Variants in CDH13 observed in about 807,000 individuals in gnomAD.
CDH13 encodes cadherin-13.
Under a neutral mutation model 63.8 loss-of-function variants are expected in CDH13, and 24 were observed. That is an observed-to-expected ratio of 0.38 (90% CI 0.27 to 0.53). The LOEUF is 0.53. Among genes scored for constraint, CDH13 ranks in the 20% least tolerant of loss-of-function variants. The pLI is 0.85. For synonymous variants in CDH13, 503 were observed against 355.3 expected (o/e 1.42, Z -4.67); for missense variants, 1,049 against 903.1 (o/e 1.16, Z -2.07).
At chr16:82,808,430 C>G (rs185387123) in intron 1 of CDH13, among the ~76,000 whole-genome samples, 20 of 152,150 alleles carry the variant, frequency 1.3e-4, no homozygotes, top group African/African-American at 4.8e-4. Context: ...TGCTTTTCCA[C>G]AATGCTTTCA....
chr16:83,551,441 G>T (rs2075494757), intron 7 of CDH13, among the ~76,000 whole-genome samples: 2 of 152,082 alleles, frequency 1.3e-5, no homozygotes, highest in Admixed American at 1.3e-4. Context: ...GTGTTATTTG[G>T]CCATAGATAT....
intron 6 of CDH13, 43 bp downstream of exon 6, chr16:83,345,049 A>T (rs777210286): frequency 1.3e-6 from 2 of 1,599,882 alleles, no homozygotes; most frequent in Non-Finnish European, 1.7e-6. Context: ...GCTTGGAAAG[A>T]GGCACACTTT....
chr16:82,820,964 G>A (rs1300695639), intron 1 of CDH13, among the ~76,000 whole-genome samples: 1 of 152,132 alleles, frequency 6.6e-6, no homozygotes, highest in African/African-American at 2.4e-5. Flanking sequence ...TACCAATGAG[G>A]GGTAGAGCTT....
At chr16:83,453,342 A>G (rs1191760118) in intron 6 of CDH13, among the ~76,000 whole-genome samples, 1 of 152,160 alleles carries the variant, frequency 6.6e-6, no homozygotes, top group Non-Finnish European at 1.5e-5. Context: ...ACCAAATACC[A>G]CCTGTTCCCC....
intron 2 of CDH13, among the ~76,000 whole-genome samples, chr16:82,892,551 C>T (rs1043758020): frequency 2.0e-5 from 3 of 151,952 alleles, no homozygotes; most frequent in African/African-American, 7.3e-5. Context: ...TAGATGTGTA[C>T]TTGGAAGGGC....
chr16:83,460,024 A>C (rs1013553353), intron 6 of CDH13, among the ~76,000 whole-genome samples: 1 of 152,250 alleles, frequency 6.6e-6, no homozygotes, highest in African/African-American at 2.4e-5. Context: ...ATAGGGGATC[A>C]GTAACAAGAT....
intron 2 of CDH13, among the ~76,000 whole-genome samples, chr16:82,995,732 A>C (rs1306651206): frequency 6.6e-6 from 1 of 152,214 alleles, no homozygotes; most frequent in Non-Finnish European, 1.5e-5. Flanking sequence ...TTCTGGAAGC[A>C]GGAAGCCACT....
At chr16:82,924,562 A>G (rs2042248460) in intron 2 of CDH13, among the ~76,000 whole-genome samples, 1 of 152,156 alleles carries the variant, frequency 6.6e-6, no homozygotes, top group African/African-American at 2.4e-5. Flanking sequence ...TGTGTTGTCA[A>G]TCGTGTCTTG....
At position 82,712,713 on chromosome 16, in the gene CDH13, C is replaced by T. The variant is rs536820383; in HGVS notation, c.45+85576C>T. Among the ~76,000 whole-genome samples, 5 of 152,270 alleles carry T rather than the reference C, an allele frequency of 3.3e-5. No individual in the cohort carries two copies. In the South Asian group the frequency reaches 6.2e-4, roughly 19 times the overall value. ...CTGAAGCCGCAGCTGAGATGGCTGA[C>T]TCCCTGAACTCTTCTTATGTTCTTG... On this transcript the variant is annotated intron_variant, in intron 1 of 13. Coordinates refer to ENST00000567109, the MANE Select transcript of CDH13 (RefSeq NM_001257.5).
At chr16:83,551,976 G>T (rs748379425) in intron 7 of CDH13, among the ~76,000 whole-genome samples, 20 of 152,144 alleles carry the variant, frequency 1.3e-4, no homozygotes. Flanking sequence ...TGGTTAGCGG[G>T]TTAATAAGTA....
intron 10 of CDH13, among the ~76,000 whole-genome samples, chr16:83,689,824 T>A (rs531275573): frequency 3.3e-5 from 5 of 152,200 alleles, no homozygotes; most frequent in Non-Finnish European, 5.9e-5. Flanking sequence ...CATTCATTCA[T>A]CCCACACCTG....
chr16:83,321,813 C>T (rs2090233566), intron 5 of CDH13, among the ~76,000 whole-genome samples: 1 of 152,198 alleles, frequency 6.6e-6, no homozygotes, highest in South Asian at 2.1e-4. Flanking sequence ...CAGGCGTGAG[C>T]TCTGCGCCGG....
intron 5 of CDH13, among the ~76,000 whole-genome samples, chr16:83,309,322 C>T (rs760318429): frequency 6.6e-6 from 1 of 151,974 alleles, no homozygotes; most frequent in Non-Finnish European, 1.5e-5. Context: ...AGAGCACTGT[C>T]TTCAGCAGAT....
chr16:83,649,740 C>T (rs190890173), intron 8 of CDH13, among the ~76,000 whole-genome samples: 2 of 152,178 alleles, frequency 1.3e-5, no homozygotes, highest in Admixed American at 6.5e-5. Context: ...GGGCACCTGC[C>T]TTCTCGCACT....
chr16:82,816,791 T>C (rs1263232406), intron 1 of CDH13, among the ~76,000 whole-genome samples: 1 of 122,138 alleles, frequency 8.2e-6, no homozygotes, highest in Non-Finnish European at 1.6e-5. Flanking sequence ...CACTACCACC[T>C]GCTAGAAACT....
intron 4 of CDH13, among the ~76,000 whole-genome samples, chr16:83,131,696 A>T (rs887920561): frequency 6.6e-6 from 1 of 152,192 alleles, no homozygotes; most frequent in African/African-American, 2.4e-5. Flanking sequence ...CATTTATGAA[A>T]TGCTTATTAG....
intron 10 of CDH13, among the ~76,000 whole-genome samples, chr16:83,679,180 G>A (rs1330344466): frequency 3.3e-5 from 5 of 152,154 alleles, no homozygotes; most frequent in African/African-American, 1.2e-4. Flanking sequence ...TTTTCGTAAT[G>A]AGATTTAATT....
chr16:83,055,646 T>G (rs1239611817), intron 3 of CDH13, among the ~76,000 whole-genome samples: 1 of 152,022 alleles, frequency 6.6e-6, no homozygotes, highest in Non-Finnish European at 1.5e-5. Flanking sequence ...CCAGATGGCT[T>G]CATGGTAAAT....
intron 7 of CDH13, among the ~76,000 whole-genome samples, chr16:83,521,067 A>C (rs974938595): frequency 2.6e-5 from 4 of 152,244 alleles, no homozygotes; most frequent in African/African-American, 9.6e-5. Context: ...TTTTTAAAGC[A>C]ACATGCTCTC....
Sources: gnomAD v4.1 joint callset for allele counts (sites outside exome capture counted in the v4.1 genomes callset) on GRCh38, gnomAD v4.1.1 for gene constraint, MANE v1.5 for transcripts, NCBI Gene and HGNC (gene_info 2026-07-23, HGNC 2026-07-21) for gene names.